Variants in NCALD observed in about 807,000 individuals in gnomAD.
NCALD encodes neurocalcin-delta.
A neutral mutation model predicts 18.6 loss-of-function variants in NCALD; 10 were observed. The observed-to-expected ratio is 0.54, with a 90% CI of 0.33 to 0.91. The LOEUF is 0.91. Ranked by LOEUF, NCALD falls within the 40% of genes least tolerant of loss-of-function variation. The pLI is 0.03. For synonymous variants in NCALD, 88 were observed against 87.4 expected, an observed-to-expected ratio of 1.01 and a Z score of -0.04; for missense variants, 184 against 247.6, an observed-to-expected ratio of 0.74 and a Z score of 1.72.
intron 3 of NCALD, among the ~76,000 whole-genome samples, chr8:101,911,351 T>C (rs370808724): frequency 1.4e-5 from 2 of 147,550 alleles, no homozygotes; most frequent in East Asian, 3.9e-4. Context: ...TCTTTTCTTT[T>C]TTTTCTTTTC....
At chr8:102,082,223 TCTC>T (rs1200104579) in intron 1 of NCALD, among the ~76,000 whole-genome samples, 31 of 128,686 alleles carry the variant, frequency 2.4e-4, no homozygotes, top group Non-Finnish European at 4.6e-4. Flanking sequence ...TGAGAAGCTC[TCTC>T]TTTTTTTTTT....
At position 101,991,912 on chromosome 8, in the gene NCALD, C is replaced by T. The variant is rs77187492; in HGVS notation, c.-157+28325G>A. Among the ~76,000 whole-genome samples, 1,137 of 152,294 alleles carry T rather than the reference C, an allele frequency of 7.5e-3. 17 individuals carry two copies. The highest frequency in any genetic ancestry group is 0.026 in the African/African-American group (1,084 of 41,550). On this transcript the variant is annotated intron_variant, in intron 2 of 6. Transcript: ENST00000311028. ...TTGAAAATCCCTCAGAAAGGTGTCT[C>T]ACTGGGGACTTGCCATGTCACTTGT...
intron 2 of NCALD, among the ~76,000 whole-genome samples, chr8:101,995,673 A>G (rs377479598): frequency 1.4e-4 from 22 of 152,318 alleles, no homozygotes; most frequent in East Asian, 7.7e-4. Context: ...CCCATGATCC[A>G]AACACCTCCC....
At chr8:101,867,382 C>A (rs1465706576) in intron 4 of NCALD, among the ~76,000 whole-genome samples, 3 of 152,198 alleles carry the variant, frequency 2.0e-5, no homozygotes, top group Admixed American at 2.0e-4. Context: ...CGCTTTCCCC[C>A]CAGGACCTAG....
At chr8:102,046,798 T>A (rs1449304740) in intron 1 of NCALD, among the ~76,000 whole-genome samples, 1 of 72,070 alleles carries the variant, frequency 1.4e-5, no homozygotes, top group Non-Finnish European at 4.0e-5. Context: ...TTTTTTTTCC[T>A]TTTTTTTTTT....
intron 1 of NCALD, among the ~76,000 whole-genome samples, chr8:101,730,594 A>T (rs191832642): frequency 1.6e-3 from 244 of 152,148 alleles, no homozygotes; most frequent in Non-Finnish European, 2.5e-3. Context: ...CGATGGATTC[A>T]ACAAATAATC....
At chr8:102,035,586 G>A (rs749052613) in intron 1 of NCALD, among the ~76,000 whole-genome samples, 26 of 152,114 alleles carry the variant, frequency 1.7e-4, no homozygotes, top group Non-Finnish European at 2.4e-4. Context: ...GTGAATCAGC[G>A]TTTGTTCCTG....
Position 101,688,408 on chromosome 8 carries a change from A to T in NCALD, c.*901T>A, listed in dbSNP as rs16868201. On this transcript the variant is annotated 3_prime_UTR_variant, in exon 4 of 4. Coordinates refer to ENST00000220931, the MANE Select transcript of NCALD (RefSeq NM_032041.3). ...TTGGTACATTTGTGCAAAGACAGAT[A>T]TGACTTCCAAACAAGACAGACATTC... The T allele has an allele frequency of 0.2, 52,132 of 265,502 alleles. 5,953 individuals carry two copies. The highest frequency in any genetic ancestry group is 0.28 in the South Asian group (6,402 of 23,214). The allele number at this position is 265,502 out of a possible 1,614,324, so 16.4% of individuals were successfully genotyped here.
chr8:101,763,308 A>G (rs1811191259), intron 1 of NCALD, among the ~76,000 whole-genome samples: 1 of 152,202 alleles, frequency 6.6e-6, no homozygotes. Flanking sequence ...TGCAAGTGGC[A>G]AGCTATGGTT....
chr8:101,766,128 T>C (rs1811336643), intron 1 of NCALD, among the ~76,000 whole-genome samples: 1 of 152,174 alleles, frequency 6.6e-6, no homozygotes, highest in Non-Finnish European at 1.5e-5. Context: ...TTGGACAAAA[T>C]AGCTCACATT....
At chr8:101,782,472 A>G (rs1812055534) in intron 1 of NCALD, among the ~76,000 whole-genome samples, 1 of 152,148 alleles carries the variant, frequency 6.6e-6, no homozygotes, top group African/African-American at 2.4e-5. Context: ...TAACATGTAC[A>G]TCACTTCCCT....
At chr8:102,065,330 C>G (rs567451316) in intron 1 of NCALD, among the ~76,000 whole-genome samples, 1 of 152,174 alleles carries the variant, frequency 6.6e-6, no homozygotes, top group East Asian at 1.9e-4. Flanking sequence ...AAGCCGCTTG[C>G]CTGTTACCTC....
intron 2 of NCALD, among the ~76,000 whole-genome samples, chr8:101,978,216 C>T (rs1820494267): frequency 6.6e-6 from 1 of 151,988 alleles, no homozygotes; most frequent in South Asian, 2.1e-4. Context: ...CTATGTTTAC[C>T]TCTTTTTTCC....
chr8:101,971,401 G>A (rs1331543127), intron 2 of NCALD, among the ~76,000 whole-genome samples: 3 of 152,066 alleles, frequency 2.0e-5, no homozygotes, highest in Admixed American at 6.5e-5. Context: ...GCAGGACCTG[G>A]TGGGAGGTGA....
chr8:101,714,890 G>A (rs188652236), intron 2 of NCALD, among the ~76,000 whole-genome samples: 1,893 of 150,810 alleles, frequency 0.013, 134 homozygotes, highest in African/African-American at 0.043. Flanking sequence ...CCAGCTACTC[G>A]GGAGGCTGAG....
intron 2 of NCALD, among the ~76,000 whole-genome samples, chr8:101,923,392 G>A (rs1351430848): frequency 1.3e-5 from 2 of 152,208 alleles, no homozygotes; most frequent in African/African-American, 2.4e-5. Context: ...TGGAAGTCTA[G>A]GGTCTAACCC....
In NCALD at chr8:101,719,694, T is replaced by C. The variant is rs1439595934; in HGVS notation, c.-19-46A>G. Reference sequence around the variant, plus strand: ...ATATATAATTTGTAGAGCTGCTCTTTAGGGCTGCATTTTATAATTTGTAAT... The same window carrying C: ...ATATATAATTTGTAGAGCTGCTCTTCAGGGCTGCATTTTATAATTTGTAAT... On this transcript the variant is annotated intron_variant, in intron 1 of 3. Coordinates refer to ENST00000220931, the MANE Select transcript of NCALD (RefSeq NM_032041.3). 3 of 1,465,658 alleles carry C rather than the reference T, an allele frequency of 2.0e-6. No homozygotes were observed. The African/African-American group carries it at 4.2e-5, about 21-fold the overall frequency. 90.8% of individuals were successfully genotyped at this position (1,465,658 alleles called of 1,614,324 possible).
intron 2 of NCALD, among the ~76,000 whole-genome samples, chr8:101,926,111 AGTCT>A (rs918397798): frequency 6.6e-6 from 1 of 152,150 alleles, no homozygotes; most frequent in African/African-American, 2.4e-5. Context: ...AGCCCACTGC[AGTCT>A]GTCTGATTCT....
At chr8:101,827,390 G>A (rs1336879642) in intron 4 of NCALD, among the ~76,000 whole-genome samples, 1 of 152,180 alleles carries the variant, frequency 6.6e-6, no homozygotes, top group Non-Finnish European at 1.5e-5. Context: ...TAAGTACCAA[G>A]GATGAGGATC....
Sources: allele counts gnomAD v4.1 joint callset (sites outside exome capture counted in the v4.1 genomes callset), GRCh38; gene constraint gnomAD v4.1.1; transcripts MANE v1.5; gene names NCBI Gene and HGNC (gene_info 2026-07-23, HGNC 2026-07-21).